JADE1: variants seen among roughly 807,000 people sequenced by gnomAD.
JADE1 encodes the protein jade family PHD finger 1.
Under a neutral mutation model 81.8 loss-of-function variants are expected in JADE1, and 14 were observed. That is an observed-to-expected ratio of 0.17 (90% CI 0.11 to 0.27). JADE1 has a LOEUF of 0.27. Ranked by LOEUF, JADE1 falls within the 10% of genes least tolerant of loss-of-function variation. The pLI, the probability that JADE1 is intolerant of heterozygous loss-of-function variation, is 1.00. For synonymous variants in JADE1, 353 were observed against 391.9 expected, an observed-to-expected ratio of 0.90 and a Z score of 1.17; for missense variants, 690 against 1,047.9, an observed-to-expected ratio of 0.66 and a Z score of 4.71.
At chr4:128,868,238 TC>T (rs967627283) in intron 10 of JADE1, among the ~76,000 whole-genome samples, 1 of 152,214 alleles carries the variant, frequency 6.6e-6, no homozygotes, top group Non-Finnish European at 1.5e-5. Context: ...CCTAATTTCT[TC>T]ATGTGCAAAA....
chr4:128,843,172 G>A (rs892244821), intron 3 of JADE1, 134 bp downstream of exon 3: 2 of 667,430 alleles, frequency 3.0e-6, no homozygotes, highest in Admixed American at 5.6e-5. Flanking sequence ...CTGTAAGACG[G>A]GGAGAACACA....
intron 2 of JADE1, among the ~76,000 whole-genome samples, chr4:128,836,812 T>C (rs1044608295): frequency 9.4e-5 from 14 of 149,602 alleles, no homozygotes; most frequent in African/African-American, 3.2e-4. Context: ...TCTCAGCTCA[T>C]TGCCCGCTCA....
intron 8 of JADE1, 150 bp from the exon 9 acceptor site, chr4:128,861,554 T>G: frequency 1.1e-6 from 1 of 891,482 alleles, no homozygotes; most frequent in African/African-American, 1.7e-5. Context: ...TCTTGCAGGG[T>G]TAATCCACGT....
intron 9 of JADE1, 99 bp from the exon 10 acceptor site, chr4:128,867,757 C>G: frequency 1.5e-6 from 1 of 651,676 alleles, no homozygotes; most frequent in Non-Finnish European, 2.7e-6. Flanking sequence ...TGTCAAGGCC[C>G]TAGTAGGAGT....
chr4:128,869,129 TA>T (rs1057483925), intron 10 of JADE1, among the ~76,000 whole-genome samples: 95 of 152,350 alleles, frequency 6.2e-4, no homozygotes, highest in African/African-American at 1.6e-3. Flanking sequence ...GAGGTTTAAA[TA>T]ATGTTCTTGA....
intron 6 of JADE1, 26 bp from the exon 7 acceptor site, chr4:128,855,604 C>G: frequency 1.3e-5 from 21 of 1,586,128 alleles, no homozygotes; most frequent in Non-Finnish European, 1.8e-5. Context: ...CTCTCTATTC[C>G]TCTGGGATGT....
chr4:128,852,927 T>G (rs991726428), intron 6 of JADE1, among the ~76,000 whole-genome samples: 3 of 151,932 alleles, frequency 2.0e-5, no homozygotes, highest in Non-Finnish European at 4.4e-5. Context: ...TTCTTTTTTT[T>G]TTTTTTTGAG....
chr4:128,861,143 GCAC>G (rs1731288785), intron 8 of JADE1, among the ~76,000 whole-genome samples: 1 of 152,156 alleles, frequency 6.6e-6, no homozygotes, highest in Non-Finnish European at 1.5e-5. Flanking sequence ...ATTCAGGTTT[GCAC>G]CAAAAGAGCT....
In JADE1 at chr4:128,829,866, A is replaced by G. The variant is rs546000416; in HGVS notation, c.-26-1867A>G. Among the ~76,000 whole-genome samples, 150 of 150,900 alleles carry G rather than the reference A, an allele frequency of 9.9e-4. 1 individual carries two copies. The highest frequency in any genetic ancestry group is 3.5e-3 in the African/African-American group (145 of 41,068). On this transcript the variant is annotated intron_variant, in intron 1 of 10. Coordinates refer to ENST00000226319, the MANE Select transcript of JADE1 (RefSeq NM_199320.4). ...TAAAATTGCTTTCTTGTTCTATCAC[A>G]GTGGTTCTCCACATTTTTCTTTTTT...
chr4:128,815,442 C>T (rs1726948908), intron 1 of JADE1, among the ~76,000 whole-genome samples: 1 of 152,132 alleles, frequency 6.6e-6, no homozygotes, highest in African/African-American at 2.4e-5. Context: ...ACTGAGGAGG[C>T]AAGCCTTTGG....
intron 9 of JADE1, chr4:128,864,506 C>T (rs1731637323): frequency 1.0e-6 from 1 of 985,232 alleles, no homozygotes; most frequent in African/African-American, 1.7e-5. Flanking sequence ...GCCATGATGC[C>T]TGTGATGGTG....
At chr4:128,832,735 A>G (rs1355649007) in intron 2 of JADE1, among the ~76,000 whole-genome samples, 1 of 152,276 alleles carries the variant, frequency 6.6e-6, no homozygotes, top group Non-Finnish European at 1.5e-5. Flanking sequence ...AAAGTTGTAT[A>G]GATCCTTAAG....
rs1262925677 is a variant in JADE1 at position 128,871,087 on chromosome 4, T to C, written c.1622-268T>C. ...CTGAAAATCAGATCAGTTATTTTGT[T>C]TGGAGGAGGTCTAGTTTTATGAAAA... On this transcript the variant is annotated intron_variant, in intron 10 of 10. Transcript: ENST00000226319. The surrounding 1 kb of genome is among the most constrained non-coding windows in gnomAD (Gnocchi z 4.1). Among the ~76,000 whole-genome samples, 1 of 152,166 alleles carries C rather than the reference T, an allele frequency of 6.6e-6. No individual in the cohort carries two copies. The highest frequency in any genetic ancestry group is 1.5e-5 in the Non-Finnish European group (1 of 68,016).
At chr4:128,870,607 C>T (rs1427392273) in intron 10 of JADE1, among the ~76,000 whole-genome samples, 1 of 152,078 alleles carries the variant, frequency 6.6e-6, no homozygotes, top group Non-Finnish European at 1.5e-5. Flanking sequence ...AGTACATTAT[C>T]AAATGATGAG....
intron 9 of JADE1, chr4:128,862,695 G>A: frequency 9.9e-7 from 1 of 1,010,844 alleles, no homozygotes; most frequent in South Asian, 3.9e-5. Context: ...TGCTGGTGAT[G>A]GGCTTATGAA....
At chr4:128,850,312 C>A (rs1483922539) in intron 5 of JADE1, among the ~76,000 whole-genome samples, 18 of 139,980 alleles carry the variant, frequency 1.3e-4, no homozygotes, top group East Asian at 2.1e-4. Flanking sequence ...GACTCCATCT[C>A]AAAAAAAAAA....
chr4:128,838,661 C>A (rs1729186344), intron 2 of JADE1, among the ~76,000 whole-genome samples: 1 of 152,128 alleles, frequency 6.6e-6, no homozygotes. Context: ...TTAAAATATT[C>A]TAATTTCTGG....
intron 1 of JADE1, 22 bp downstream of exon 1, chr4:128,809,899 G>A (rs1726180766): frequency 6.7e-6 from 1 of 148,238 alleles, no homozygotes; most frequent in Non-Finnish European, 1.5e-5. Context: ...GGCCGCGGGG[G>A]GCGCGCGGGG....
intron 1 of JADE1, among the ~76,000 whole-genome samples, chr4:128,817,445 G>A (rs1452538603): frequency 6.6e-6 from 1 of 152,172 alleles, no homozygotes; most frequent in South Asian, 2.1e-4. Flanking sequence ...CTTACTTTAA[G>A]TGAAGATTTC....
Sources: allele counts gnomAD v4.1 joint callset (sites outside exome capture counted in the v4.1 genomes callset), GRCh38; gene constraint gnomAD v4.1.1; non-coding constraint Gnocchi (gnomAD v3.1); transcripts MANE v1.5; gene names NCBI Gene and HGNC (gene_info 2026-07-23, HGNC 2026-07-21).